Variants in ABCB1 observed in about 807,000 individuals in gnomAD.
ABCB1 encodes ATP binding cassette subfamily B member 1.
ABCB1 carries 69 observed loss-of-function variants against 142.0 expected under a neutral mutation model. The ratio of observed to expected loss-of-function variants is 0.49; its 90% CI spans 0.40 to 0.59. The LOEUF (loss-of-function observed/expected upper bound fraction) is 0.59. Among genes scored for constraint, ABCB1 ranks in the 20% least tolerant of loss-of-function variants. The pLI is 0.00. For missense variants in ABCB1, 1,326 were observed against 1,554.7 expected (o/e 0.85, Z 2.47); for synonymous variants, 532 against 539.2 (o/e 0.99, Z 0.18).
intron 1 of ABCB1, chr7:87,710,500 T>C (rs1583957732): frequency 1.2e-6 from 1 of 842,474 alleles, no homozygotes; most frequent in Non-Finnish European, 1.9e-6. Flanking sequence ...TATTAAAATA[T>C]TTTTGATGGC....
At chr7:87,706,926 G>A (rs1204967896) in intron 1 of ABCB1, among the ~76,000 whole-genome samples, 1 of 152,194 alleles carries the variant, frequency 6.6e-6, no homozygotes, top group African/African-American at 2.4e-5. Flanking sequence ...TAGTTCTGGA[G>A]AGATAGAGGT....
Position 87,674,793 on chromosome 7 carries a change from G to A in ABCB1, c.-331+38368C>T, listed in dbSNP as rs189753133. ...TAGGCTGGAGCCCAAGGAGAGGCTAGCTGACAGGAGGGTGCTTAGATCAGA... is the reference window on the plus strand; with the variant it reads ...TAGGCTGGAGCCCAAGGAGAGGCTAACTGACAGGAGGGTGCTTAGATCAGA... On this transcript the variant is annotated intron_variant, in intron 1 of 28. Coordinates refer to the ABCB1 transcript ENST00000265724. 1.4e-4 allele frequency among the ~76,000 whole-genome samples: 22 copies of A among 152,256 alleles called. No individual in the cohort carries two copies. In the East Asian group the frequency reaches 3.5e-3, roughly 24 times the overall value.
chr7:87,656,691 C>A (rs958081592), intron 1 of ABCB1, among the ~76,000 whole-genome samples: 2 of 151,922 alleles, frequency 1.3e-5, no homozygotes, highest in African/African-American at 2.4e-5. Context: ...TTAAAAAAAA[C>A]CTAATTATTT....
In ABCB1 at chr7:87,503,240, A is replaced by G. The variant is rs1814567824; in HGVS notation, c.*1003T>C. Among the ~76,000 whole-genome samples, 1 of 151,626 alleles carries G rather than the reference A, an allele frequency of 6.6e-6. No individual in the cohort carries two copies. The highest frequency in any genetic ancestry group is 1.9e-4 in the East Asian group (1 of 5,170). On this transcript the variant is annotated 3_prime_UTR_variant, in exon 28 of 28. Coordinates refer to ENST00000622132, the MANE Select transcript of ABCB1 (RefSeq NM_001348946.2). ...TGCTTATTTAAGATAGCAATTGTTT[A>G]TAGTAAATATAGTTTATAATGTTAA...
At chr7:87,673,339 C>T (rs1213157891) in intron 1 of ABCB1, among the ~76,000 whole-genome samples, 1 of 152,222 alleles carries the variant, frequency 6.6e-6, no homozygotes, top group South Asian at 2.1e-4. Flanking sequence ...TTGTCTCCCT[C>T]TCTTTCAGGG....
intron 17 of ABCB1, among the ~76,000 whole-genome samples, chr7:87,543,412 A>G (rs892508696): frequency 3.3e-5 from 5 of 152,224 alleles, no homozygotes; most frequent in Non-Finnish European, 7.3e-5. Flanking sequence ...AGACCTGAAT[A>G]GTCATATATA....
intron 5 of ABCB1, among the ~76,000 whole-genome samples, chr7:87,569,602 C>A (rs887650879): frequency 6.6e-5 from 10 of 152,046 alleles, no homozygotes; most frequent in Admixed American, 1.3e-4. Context: ...CTTTTGGCTG[C>A]TTTCATTGTC....
intron 1 of ABCB1, among the ~76,000 whole-genome samples, chr7:87,675,376 T>C (rs1826222390): frequency 6.6e-6 from 1 of 151,914 alleles, no homozygotes; most frequent in Non-Finnish European, 1.5e-5. Flanking sequence ...ATATCAAACC[T>C]CCAGTCTTGA....
At chr7:87,528,991 CAG>C (rs1283322535) in intron 21 of ABCB1, among the ~76,000 whole-genome samples, 2 of 152,282 alleles carry the variant, frequency 1.3e-5, no homozygotes, top group South Asian at 2.1e-4. Flanking sequence ...TTAGATCATA[CAG>C]AGTTTGGTAA....
At chr7:87,599,833 C>A (rs1819372483) in intron 2 of ABCB1, among the ~76,000 whole-genome samples, 1 of 152,044 alleles carries the variant, frequency 6.6e-6, no homozygotes. Context: ...TTACACATTC[C>A]GGGCATGTAA....
intron 1 of ABCB1, chr7:87,628,880 C>T (rs1820883660): frequency 7.7e-7 from 1 of 1,294,466 alleles, no homozygotes; most frequent in Non-Finnish European, 9.9e-7. Flanking sequence ...GCGGCGGAGG[C>T]GGCAAGAAAA....
chr7:87,555,090 C>T (rs1351401818), intron 8 of ABCB1, among the ~76,000 whole-genome samples: 1 of 152,212 alleles, frequency 6.6e-6, no homozygotes, highest in South Asian at 2.1e-4. Flanking sequence ...TATAACTCGA[C>T]CTTCATTTGA....
chr7:87,518,401 C>A (rs1815343772), intron 23 of ABCB1, among the ~76,000 whole-genome samples: 1 of 152,134 alleles, frequency 6.6e-6, no homozygotes, highest in African/African-American at 2.4e-5. Context: ...AAATAATTAT[C>A]TAATCAAAGC....
chr7:87,693,885 T>C, intron 1 of ABCB1: 1 of 1,602,312 alleles, frequency 6.2e-7, no homozygotes, highest in Non-Finnish European at 8.5e-7. Context: ...CTGTGTGTTG[T>C]TGTTGTTATT....
rs199667669 is a variant in ABCB1, at chr7:87,626,448, CATATAT to C, written c.-330-25376_-330-25371del. Among the ~76,000 whole-genome samples, 3 of 15,142 alleles carry C rather than the reference CATATAT, an allele frequency of 2.0e-4. 1 individual carries two copies. The highest frequency in any genetic ancestry group is 2.7e-4 in the Non-Finnish European group (3 of 11,284). 9.9% of individuals were successfully genotyped at this position (15,142 alleles called of 152,430 possible). A position where few individuals can be genotyped will look rare whatever the true frequency, so the allele number is the denominator to read the frequency against. On this transcript the variant is annotated intron_variant, in intron 1 of 28. Transcript: ENST00000265724. The stretch of plus-strand genomic sequence containing the variant: ...TCATATGTATGTGTCATATATGTGT[CATATAT>C]ATGTGTCATATATGTGTCATATATA...
chr7:87,651,661 T>G (rs1321547569), intron 1 of ABCB1, among the ~76,000 whole-genome samples: 1 of 152,130 alleles, frequency 6.6e-6, no homozygotes, highest in Non-Finnish European at 1.5e-5. Context: ...ATGATACAGT[T>G]TCACATCAGT....
chr7:87,595,200 A>G (rs1819146758), intron 3 of ABCB1, among the ~76,000 whole-genome samples: 1 of 152,170 alleles, frequency 6.6e-6, no homozygotes, highest in African/African-American at 2.4e-5. Flanking sequence ...ATAAAGAGTT[A>G]CAATAAGGTT....
chr7:87,685,345 A>T (rs1198226344), intron 1 of ABCB1, among the ~76,000 whole-genome samples: 1 of 152,222 alleles, frequency 6.6e-6, no homozygotes, highest in Non-Finnish European at 1.5e-5. Flanking sequence ...GATGTTCAAC[A>T]TCATTAGTAA....
chr7:87,568,970 A>G (rs1382695014), intron 5 of ABCB1, among the ~76,000 whole-genome samples: 2 of 152,206 alleles, frequency 1.3e-5, no homozygotes, highest in South Asian at 2.1e-4. Flanking sequence ...TCCCCAATGT[A>G]AAAAACAATG....
Sources: gnomAD v4.1 joint callset for allele counts (sites outside exome capture counted in the v4.1 genomes callset) on GRCh38, gnomAD v4.1.1 for gene constraint, MANE v1.5 for transcripts, NCBI Gene and HGNC (gene_info 2026-07-23, HGNC 2026-07-21) for gene names.